The following DNAH14 variants were observed in gnomAD, a reference collection of about 807,000 sequenced individuals.
The protein encoded by DNAH14 is axonemal beta dynein heavy chain 14.
In DNAH14, 478 loss-of-function variants were observed where a neutral mutation model predicts 520.9. That is an observed-to-expected ratio of 0.92 (90% CI 0.85 to 0.99). The LOEUF (loss-of-function observed/expected upper bound fraction) is 0.99. Ranked by LOEUF, DNAH14 falls within the 50% of genes least tolerant of loss-of-function variation. The pLI, the probability that DNAH14 is intolerant of heterozygous loss-of-function variation, is 0.00. For missense variants in DNAH14, 4,831 were observed against 5,234.5 expected, an observed-to-expected ratio of 0.92 and a Z score of 2.38; for synonymous variants, 1,581 against 1,757.2, an observed-to-expected ratio of 0.90 and a Z score of 2.51.
intron 46 of DNAH14, among the ~76,000 whole-genome samples, chr1:225,262,297 G>T (rs929030415): frequency 6.6e-6 from 1 of 151,856 alleles, no homozygotes; most frequent in African/African-American, 2.4e-5. Context: ...TAGGTTGTCT[G>T]TGTACTCTGT....
At chr1:225,010,795 G>T (rs942970388) in intron 10 of DNAH14, among the ~76,000 whole-genome samples, 7 of 151,978 alleles carry the variant, frequency 4.6e-5, no homozygotes, top group African/African-American at 1.7e-4. Flanking sequence ...TCCATTCAGG[G>T]TTTCATCTTC....
chr1:225,095,386 A>G (rs1333151791), intron 21 of DNAH14, among the ~76,000 whole-genome samples: 4 of 152,130 alleles, frequency 2.6e-5, no homozygotes, highest in Admixed American at 2.6e-4. Context: ...TCCTAAGCAA[A>G]CTAAGACAGG....
chr1:225,013,349 CA>C (rs138891831), intron 10 of DNAH14, among the ~76,000 whole-genome samples: 7,239 of 152,130 alleles, frequency 0.048, 504 homozygotes, highest in African/African-American at 0.15. Flanking sequence ...AGCTTTGTCT[CA>C]GGGGGACCCA....
rs189793154 is a variant in DNAH14 at position 225,132,349 on chromosome 1, T to C, written c.4255-8419T>C. Among the ~76,000 whole-genome samples, 492 of 152,234 alleles carry C rather than the reference T, an allele frequency of 3.2e-3. 3 individuals carry two copies. The highest frequency in any genetic ancestry group is 0.011 in the African/African-American group (449 of 41,540). On this transcript the variant is annotated intron_variant, in intron 27 of 85. Coordinates refer to ENST00000682510, the MANE Select transcript of DNAH14 (RefSeq NM_001367479.1). ...AGCACCCATTAGCTGTTCTTCCTGA[T>C]GCTTTCCCTCCCTCTGCCCCCACAA... is the stretch of plus-strand genomic sequence containing the variant.
At chr1:225,011,144 T>C (rs888588760) in intron 10 of DNAH14, among the ~76,000 whole-genome samples, 28 of 152,196 alleles carry the variant, frequency 1.8e-4, no homozygotes, top group African/African-American at 6.5e-4. Context: ...CTGCTAACTT[T>C]TGAACTTGTT....
chr1:225,204,236 G>C lies in DNAH14; in HGVS notation c.5940G>C (p.Glu1980Asp). ...DTTETDDNIF[E>D]EIEKVVKIPE... ...CAGAGACTGATGATAATATTTTTGA[G>C]GAGATAGAGAAAGTTGTTAAAATTC... Residue 1980 changes from glutamate to aspartate, a missense_variant, in exon 39 of 86, where the codon GAG becomes GAC. Glu to Asp is a conservative substitution (Grantham distance 45). Transcript: ENST00000682510. The C allele has an allele frequency of 6.7e-7, 1 of 1,491,578 alleles. No homozygotes were observed. The highest frequency in any genetic ancestry group is 8.9e-7 in the Non-Finnish European group (1 of 1,127,930). 92.4% of individuals were successfully genotyped at this position (1,491,578 alleles called of 1,614,324 possible). A position where few individuals can be genotyped will look rare whatever the true frequency, so the allele number is the denominator to read the frequency against.
rs77187340 is a variant in DNAH14, at chr1:224,985,965, A to G, written c.830+11812A>G. ...TTGGCCTTAAAAAAGAAGTTAAAAA[A>G]GAGCTGGGGTAGAAAGTTTATTCAA... On this transcript the variant is annotated intron_variant, in intron 8 of 85. Coordinates refer to ENST00000682510, the MANE Select transcript of DNAH14 (RefSeq NM_001367479.1). Among the ~76,000 whole-genome samples the G allele has an allele frequency of 1.4e-4, 21 of 152,246 alleles. No homozygotes were observed. The East Asian group carries it at 3.9e-3, about 28-fold the overall frequency.
intron 55 of DNAH14, among the ~76,000 whole-genome samples, chr1:225,291,438 A>G (rs2093886927): frequency 6.6e-6 from 1 of 151,922 alleles, no homozygotes; most frequent in Admixed American, 6.6e-5. Flanking sequence ...TTGTTTTGAG[A>G]CAGAGTATTC....
rs573138005 is a variant in DNAH14, at chr1:225,162,630, T to C, written c.5445+3145T>C. Among the ~76,000 whole-genome samples the C allele has an allele frequency of 3.9e-5, 6 of 152,306 alleles. No individual in the cohort carries two copies. In the South Asian group the frequency reaches 1.2e-3, roughly 32 times the overall value. On this transcript the variant is annotated intron_variant, in intron 35 of 85. Transcript: ENST00000682510. ...AATCTGTAGATTGTTTTGGGTAATA[T>C]GAACATTTTAACAATATTGATTCTT...
At chr1:224,949,560 G>A (rs2060043052) in intron 1 of DNAH14, among the ~76,000 whole-genome samples, 1 of 151,942 alleles carries the variant, frequency 6.6e-6, no homozygotes, top group Non-Finnish European at 1.5e-5. Context: ...TATTTTTTCA[G>A]ATCTACCTGA....
At chr1:224,939,769 A>G (rs1321015433) in intron 1 of DNAH14, among the ~76,000 whole-genome samples, 1 of 152,174 alleles carries the variant, frequency 6.6e-6, no homozygotes, top group African/African-American at 2.4e-5. Context: ...AGAATATTGA[A>G]CAATAATTTT....
chr1:225,264,363 A>C, intron 47 of DNAH14, 102 bp downstream of exon 47: 1 of 981,058 alleles, frequency 1.0e-6, no homozygotes, highest in Non-Finnish European at 1.5e-6. Context: ...TAATAATTTC[A>C]ATTGGTAATT....
chr1:225,109,033 G>T (rs151087966), intron 23 of DNAH14, among the ~76,000 whole-genome samples: 5 of 152,048 alleles, frequency 3.3e-5, no homozygotes, highest in Admixed American at 6.6e-5. Context: ...GTAGATGTAC[G>T]GATTCGTTTC....
rs1472094534 is a variant in DNAH14 at position 225,377,349 on chromosome 1, G to A, written c.12629G>A (p.Arg4210Lys). The A allele has an allele frequency of 2.6e-6, 4 of 1,550,910 alleles. No homozygotes were observed. Among genetic ancestry groups the A allele is most frequent in the Non-Finnish European group, 8.7e-7 (1 of 1,146,704 alleles). The part of the protein sequence containing the change: ...EVLGIHPEAI[R>K]SCWETQGEKF... ...TTAGGAATACACCCAGAGGCCATCA[G>A]GAGCTGCTGGGAGACCCAGGGCGAA... The change falls in exon 79 of 86, where the codon AGG becomes AAG. Residue 4210 changes from arginine to lysine, a missense_variant. By Grantham distance (26) the Arg-to-Lys change is conservative. Coordinates refer to ENST00000682510, the MANE Select transcript of DNAH14 (RefSeq NM_001367479.1).
Position 225,364,866 on chromosome 1 carries a change from C to T in DNAH14, c.12062C>T (p.Pro4021Leu). ...WLSSKSYSSF[P>L]IPVLKKGLKI... is the part of the protein sequence containing the mutation. ...AGCTCAAAATCATACAGTTCTTTTCCAATTCCTGTTCTTAAAAAGGGTTTA... is the reference window on the plus strand; with the variant it reads ...AGCTCAAAATCATACAGTTCTTTTCTAATTCCTGTTCTTAAAAAGGGTTTA... The change falls in exon 76 of 86, where the codon CCA (proline) becomes CTA (leucine). Residue 4021 changes from proline to leucine, a missense_variant. Transcript: ENST00000682510. 1 of 1,547,660 alleles carries T rather than the reference C, an allele frequency of 6.5e-7. No homozygotes were observed. The highest frequency in any genetic ancestry group is 2.5e-5 in the East Asian group (1 of 40,752).
intron 36 of DNAH14, among the ~76,000 whole-genome samples, chr1:225,176,561 GA>G (rs796415661): frequency 6.6e-6 from 1 of 152,002 alleles, no homozygotes; most frequent in African/African-American, 2.4e-5. Context: ...ATTATTGTAT[GA>G]TATGGTTTGG....
chr1:225,103,599 C>A (rs1465185309), intron 23 of DNAH14, among the ~76,000 whole-genome samples: 1 of 151,922 alleles, frequency 6.6e-6, no homozygotes, highest in Non-Finnish European at 1.5e-5. Context: ...TTGAAGAGGT[C>A]CTTCACGTCC....
chr1:225,364,675 A>G, intron 75 of DNAH14, 117 bp from the exon 76 acceptor site: 1 of 645,322 alleles, frequency 1.5e-6, no homozygotes, highest in Non-Finnish European at 2.5e-6. Context: ...ATACAGTAAG[A>G]TCTTCAGTAT....
At chr1:225,255,632 A>G (rs2092706232) in intron 44 of DNAH14, among the ~76,000 whole-genome samples, 3 of 152,168 alleles carry the variant, frequency 2.0e-5, no homozygotes, top group African/African-American at 2.4e-5. Context: ...AAGCCAATGG[A>G]CATACTTTCT....
Sources: allele counts gnomAD v4.1 joint callset (sites outside exome capture counted in the v4.1 genomes callset), GRCh38; gene constraint gnomAD v4.1.1; transcripts MANE v1.5; gene names NCBI Gene and HGNC (gene_info 2026-07-23, HGNC 2026-07-21).